Variants in INSL6 observed in about 807,000 individuals in gnomAD.
The protein encoded by INSL6 is insulin like 6, also known as insulin-like peptide INSL6.
A neutral mutation model predicts 9.4 loss-of-function variants in INSL6; 16 were observed. The observed-to-expected ratio is 1.70, with a 90% CI of 1.15 to 2.59. INSL6 has a LOEUF of 2.59. Among genes scored for constraint, INSL6 ranks in the 30% most tolerant of loss-of-function variants. The pLI is 0.00. For synonymous variants in INSL6, 154 were observed against 96.9 expected (o/e 1.59, Z -3.46); for missense variants, 391 against 257.3 (o/e 1.52, Z -3.56).
chr9:5,126,779 C>T (rs1564029979), intron 3 of INSL6: 1 of 1,602,430 alleles, frequency 6.2e-7, no homozygotes, highest in Non-Finnish European at 8.5e-7. Flanking sequence ...TAAGGGATAA[C>T]ATGGCTGGAT....
the INSL6 span, among the ~76,000 whole-genome samples, chr9:5,036,524 C>T: frequency 6.6e-6 from 1 of 152,130 alleles, no homozygotes. Context: ...GGTATCAAAA[C>T]AGAGATATAG....
At chr9:5,111,757 G>A in the INSL6 span, 5 of 422,406 alleles carry the variant, frequency 1.2e-5, no homozygotes, top group Admixed American at 8.4e-5. Context: ...GAGGAGAAGT[G>A]AACGGTGGGC....
chr9:5,078,221 A>T, the INSL6 span: 1 of 1,126,980 alleles, frequency 8.9e-7, no homozygotes, highest in Non-Finnish European at 1.2e-6. Context: ...TTTCTTCTTT[A>T]AATCTGTTTT....
chr9:5,013,555 T>G, the INSL6 span, among the ~76,000 whole-genome samples: 52 of 152,206 alleles, frequency 3.4e-4, no homozygotes, highest in African/African-American at 1.2e-3. Flanking sequence ...CAGCCAAACT[T>G]GTCTCTACTT....
chr9:5,133,412 T>C (rs1377625685), intron 3 of INSL6: 1 of 152,052 alleles, frequency 6.6e-6, no homozygotes, highest in Non-Finnish European at 1.5e-5. Flanking sequence ...ACATAATCTT[T>C]TTAAAAAGTT....
chr9:5,086,288 C>T, the INSL6 span, among the ~76,000 whole-genome samples: 1 of 152,172 alleles, frequency 6.6e-6, no homozygotes, highest in Non-Finnish European at 1.5e-5. Flanking sequence ...CTGCCAGGAC[C>T]TGGAGCCTGA....
chr9:5,143,261 G>A (rs1027197698), intron 2 of INSL6, among the ~76,000 whole-genome samples: 2 of 151,452 alleles, frequency 1.3e-5, no homozygotes, highest in African/African-American at 2.4e-5. Flanking sequence ...AGTTTCAGTA[G>A]GAATGGTACC....
At chr9:5,118,880 A>C (rs1823404680), downstream of INSL6, among the ~76,000 whole-genome samples, 1 of 152,212 alleles carries the variant, frequency 6.6e-6, no homozygotes, top group South Asian at 2.1e-4. Context: ...TTGACTTTCA[A>C]AAATGAGTTT....
intron 2 of INSL6, among the ~76,000 whole-genome samples, chr9:5,150,174 G>C (rs1824683079): frequency 6.6e-6 from 1 of 152,160 alleles, no homozygotes; most frequent in Non-Finnish European, 1.5e-5. Flanking sequence ...AACTTTTCTG[G>C]ACATAGGTTT....
the INSL6 span, among the ~76,000 whole-genome samples, chr9:4,997,333 A>G: frequency 1.1e-4 from 17 of 152,052 alleles, no homozygotes; most frequent in African/African-American, 4.1e-4. Context: ...GCTTACAAGC[A>G]TGGGGCTGAC....
chr9:5,184,404 T>C (rs900716119), intron 1 of INSL6, among the ~76,000 whole-genome samples: 1 of 152,222 alleles, frequency 6.6e-6, no homozygotes, highest in African/African-American at 2.4e-5. Context: ...TAAAATGTCT[T>C]AGTCACAAAA....
chr9:5,031,953 G>C, the INSL6 span, among the ~76,000 whole-genome samples: 1 of 152,244 alleles, frequency 6.6e-6, no homozygotes, highest in African/African-American at 2.4e-5. Flanking sequence ...AGCCGAAGCA[G>C]GGCGAGGCAT....
At chr9:5,053,194 C>G in the INSL6 span, among the ~76,000 whole-genome samples, 20 of 152,092 alleles carry the variant, frequency 1.3e-4, no homozygotes, top group African/African-American at 4.6e-4. Context: ...CTGTCTCATT[C>G]TAGTTTTGAT....
chr9:5,051,435 G>T, the INSL6 span, among the ~76,000 whole-genome samples: 1 of 152,062 alleles, frequency 6.6e-6, no homozygotes, highest in Admixed American at 6.6e-5. Context: ...TCACGTGGGG[G>T]AGCCTGTTAA....
At chr9:5,081,716 T>G in the INSL6 span, 1 of 1,575,362 alleles carries the variant, frequency 6.3e-7, no homozygotes, top group Non-Finnish European at 8.7e-7. Context: ...ATATTCTTTA[T>G]TTCTCCAGAT....
At chr9:5,110,987 TCCCGCTG>T in the INSL6 span, 1 of 649,442 alleles carries the variant, frequency 1.5e-6, no homozygotes, top group Non-Finnish European at 2.8e-6. Context: ...AGCATGATGT[TCCCGCTG>T]CCCGTTGCCA....
the INSL6 span, among the ~76,000 whole-genome samples, chr9:5,081,056 C>T: frequency 6.6e-6 from 1 of 151,642 alleles, no homozygotes; most frequent in Non-Finnish European, 1.5e-5. Context: ...CCACCACACC[C>T]GGCTAATTTT....
chr9:4,994,984 A>C, the INSL6 span, among the ~76,000 whole-genome samples: 1 of 152,298 alleles, frequency 6.6e-6, no homozygotes, highest in Middle Eastern at 3.4e-3. Flanking sequence ...TAAGTAGAAG[A>C]GGAGTTGCTG....
chr9:5,050,889 G>A, the INSL6 span: 26 of 1,427,154 alleles, frequency 1.8e-5, no homozygotes, highest in East Asian at 1.6e-4. Context: ...TATATAATTC[G>A]TATATATTTT....
Sources: gnomAD v4.1 joint callset for allele counts (sites outside exome capture counted in the v4.1 genomes callset) on GRCh38, gnomAD v4.1.1 for gene constraint, MANE v1.5 for transcripts, NCBI Gene and HGNC (gene_info 2026-07-23, HGNC 2026-07-21) for gene names.